The following KLRG1 variants were observed in gnomAD, a reference collection of about 807,000 sequenced individuals.
KLRG1 encodes the protein killer cell lectin like receptor G1.
KLRG1 carries 16 observed loss-of-function variants against 21.8 expected under a neutral mutation model. The ratio of observed to expected loss-of-function variants is 0.73; its 90% CI spans 0.50 to 1.11. The LOEUF (loss-of-function observed/expected upper bound fraction) is 1.11, where lower values mean the gene tolerates loss of function less well. KLRG1 is among the 50% of genes most tolerant of loss of function. The pLI is 0.00. For synonymous variants in KLRG1, 69 were observed against 75.9 expected, an observed-to-expected ratio of 0.91 and a Z score of 0.47; for missense variants, 173 against 218.3, an observed-to-expected ratio of 0.79 and a Z score of 1.31.
chr12:9,149,678 T>C, the KLRG1 span: 4 of 1,461,566 alleles, frequency 2.7e-6, no homozygotes, highest in Non-Finnish European at 2.8e-6. Flanking sequence ...GTCTAGTCAC[T>C]TTACTACTGG....
chr12:9,014,448 G>A (rs1947672489), downstream of KLRG1, among the ~76,000 whole-genome samples: 1 of 152,100 alleles, frequency 6.6e-6, no homozygotes, highest in Non-Finnish European at 1.5e-5. Context: ...GGAGAGAGTG[G>A]CATGATATAT....
chr12:9,112,424 A>T, the KLRG1 span: 1 of 1,614,026 alleles, frequency 6.2e-7, no homozygotes, highest in Non-Finnish European at 8.5e-7. Context: ...GACAAAGACC[A>T]GACTGTCCTC....
At chr12:9,063,606 A>T in the KLRG1 span, among the ~76,000 whole-genome samples, 152,334 of 152,334 alleles carry the variant, frequency 1, 76,167 homozygotes, top group Non-Finnish European at 1. Flanking sequence ...AATCCAGTTT[A>T]AGTTGTAATT....
chr12:9,192,754 A>G, the KLRG1 span: 3,693 of 1,532,408 alleles, frequency 2.4e-3, 78 homozygotes, highest in African/African-American at 0.045. Flanking sequence ...GTAAACAGAA[A>G]AGCAAAGAAA....
chr12:9,134,862 A>G, the KLRG1 span, among the ~76,000 whole-genome samples: 2 of 152,278 alleles, frequency 1.3e-5, no homozygotes, highest in East Asian at 3.9e-4. Context: ...CCAAACCGCC[A>G]TCGCTCCTCT....
the KLRG1 span, among the ~76,000 whole-genome samples, chr12:9,175,994 A>G: frequency 6.6e-6 from 1 of 152,218 alleles, no homozygotes; most frequent in Admixed American, 6.5e-5. Flanking sequence ...TTCTGTTATA[A>G]AGATACATGC....
At chr12:9,196,325 C>G in the KLRG1 span, 85 of 1,590,960 alleles carry the variant, frequency 5.3e-5, 1 homozygote, top group South Asian at 8.6e-4. Flanking sequence ...TACAACATAT[C>G]TTACCTGTGC....
At chr12:8,979,680 G>A (rs1946723169) in intron 1 of KLRG1, among the ~76,000 whole-genome samples, 2 of 151,892 alleles carry the variant, frequency 1.3e-5, no homozygotes, top group Admixed American at 6.6e-5. Context: ...CTCCTTGTGG[G>A]ACTTCTATAA....
intron 1 of KLRG1, among the ~76,000 whole-genome samples, chr12:8,974,305 C>G (rs1347646877): frequency 6.6e-6 from 1 of 151,938 alleles, no homozygotes; most frequent in African/African-American, 2.4e-5. Flanking sequence ...GTAGCTGGGA[C>G]TACAAGCGTC....
At chr12:9,181,051 A>G in the KLRG1 span, 2 of 1,614,216 alleles carry the variant, frequency 1.2e-6, no homozygotes, top group Non-Finnish European at 1.7e-6. Flanking sequence ...CGAAGGGCAC[A>G]GAGGGACTGC....
the KLRG1 span, among the ~76,000 whole-genome samples, chr12:9,091,715 A>G: frequency 1.2e-4 from 19 of 152,328 alleles, no homozygotes; most frequent in African/African-American, 2.9e-4. Flanking sequence ...CTAAAATGCT[A>G]TTTCACTGAG....
chr12:8,971,972 G>A (rs1409986191), intron 1 of KLRG1, among the ~76,000 whole-genome samples: 1 of 152,070 alleles, frequency 6.6e-6, no homozygotes, highest in African/African-American at 2.4e-5. Flanking sequence ...TCACTCTGTC[G>A]ATTGTTTCCT....
chr12:9,162,735 G>T, the KLRG1 span: 1 of 1,069,010 alleles, frequency 9.4e-7, no homozygotes, highest in Non-Finnish European at 1.4e-6. Context: ...GATGGGTAGG[G>T]TTTACACGAA....
the KLRG1 span, chr12:9,089,936 C>T: frequency 6.2e-7 from 1 of 1,611,796 alleles, no homozygotes; most frequent in African/African-American, 1.3e-5. Flanking sequence ...TGTGTCTTTC[C>T]TTCCGTGTTC....
the KLRG1 span, among the ~76,000 whole-genome samples, chr12:9,088,760 G>A: frequency 6.6e-6 from 1 of 152,148 alleles, no homozygotes; most frequent in South Asian, 2.1e-4. Flanking sequence ...GACAATAATG[G>A]TAAAGGCCAT....
chr12:9,108,392 C>T, the KLRG1 span, among the ~76,000 whole-genome samples: 1 of 152,156 alleles, frequency 6.6e-6, no homozygotes, highest in Non-Finnish European at 1.5e-5. Flanking sequence ...TCCCAAAGTG[C>T]TGGGATTACA....
chr12:9,135,579 G>T, the KLRG1 span: 346 of 336,882 alleles, frequency 1.0e-3, 3 homozygotes, highest in South Asian at 0.01. Flanking sequence ...ACTACAGTAT[G>T]ATGACTGTAT....
chr12:9,146,859 A>G, the KLRG1 span, among the ~76,000 whole-genome samples: 3 of 152,276 alleles, frequency 2.0e-5, no homozygotes, highest in African/African-American at 7.2e-5. Flanking sequence ...GACTGGCAAG[A>G]TAGGTGCCAA....
the KLRG1 span, among the ~76,000 whole-genome samples, chr12:9,093,306 A>G: frequency 3.3e-5 from 5 of 152,202 alleles, no homozygotes; most frequent in African/African-American, 1.2e-4. Context: ...GCTTGACTGT[A>G]GTAATCATTT....
Sources: gnomAD v4.1 joint callset for allele counts (sites outside exome capture counted in the v4.1 genomes callset) on GRCh38, gnomAD v4.1.1 for gene constraint, MANE v1.5 for transcripts, NCBI Gene and HGNC (gene_info 2026-07-23, HGNC 2026-07-21) for gene names.